The following PDE4D variants were observed in gnomAD, a reference collection of about 807,000 sequenced individuals.
PDE4D encodes phosphodiesterase 4D, also known as 3',5'-cyclic-AMP phosphodiesterase 4D.
In PDE4D, 24 loss-of-function variants were observed where a neutral mutation model predicts 87.4. That is an observed-to-expected ratio of 0.27 (90% CI 0.20 to 0.39). PDE4D has a LOEUF of 0.39. PDE4D is among the 10% of genes least tolerant of loss of function. The probability of loss-of-function intolerance (pLI) is 1.00; values close to 1 mark genes in which losing one functional copy is unlikely to be tolerated. For missense variants in PDE4D, 714 were observed against 1,041.0 expected (o/e 0.69, Z 4.32); for synonymous variants, 384 against 383.2 (o/e 1.00, Z -0.02).
At chr5:59,447,657 T>C (rs904945361) in intron 1 of PDE4D, among the ~76,000 whole-genome samples, 6 of 152,262 alleles carry the variant, frequency 3.9e-5, no homozygotes, top group Admixed American at 3.9e-4. Context: ...ACAGAATGTA[T>C]GTAAAAAACT....
At chr5:59,949,239 G>A (rs1192945396) in intron 3 of PDE4D, among the ~76,000 whole-genome samples, 1 of 152,112 alleles carries the variant, frequency 6.6e-6, no homozygotes, top group Non-Finnish European at 1.5e-5. Flanking sequence ...AGACCATCCT[G>A]GCTATCACGG....
At chr5:59,505,845 A>AT (rs1022701403) in intron 1 of PDE4D, among the ~76,000 whole-genome samples, 17 of 151,206 alleles carry the variant, frequency 1.1e-4, no homozygotes, top group East Asian at 9.7e-4. Context: ...AAAGAAGCAC[A>AT]TTTTTTTTTC....
At chr5:59,172,224 T>TAC (rs1783079501) in intron 5 of PDE4D, among the ~76,000 whole-genome samples, 2 of 117,004 alleles carry the variant, frequency 1.7e-5, no homozygotes, top group South Asian at 2.3e-4. Flanking sequence ...ATATAATAAA[T>TAC]ATATAATAAA....
intron 1 of PDE4D, among the ~76,000 whole-genome samples, chr5:60,256,393 CA>C (rs1749054723): frequency 6.6e-6 from 1 of 151,636 alleles, no homozygotes; most frequent in African/African-American, 2.4e-5. Flanking sequence ...AAGGGACAAA[CA>C]AAAAATATAA....
intron 3 of PDE4D, among the ~76,000 whole-genome samples, chr5:59,977,828 T>C (rs1761496261): frequency 6.6e-6 from 1 of 152,344 alleles, no homozygotes; most frequent in East Asian, 1.9e-4. Context: ...ATGCAGATGG[T>C]AACTTTAAGT....
At chr5:59,825,876 G>T (rs1392422725) in intron 1 of PDE4D, among the ~76,000 whole-genome samples, 1 of 152,138 alleles carries the variant, frequency 6.6e-6, no homozygotes, top group Non-Finnish European at 1.5e-5. Flanking sequence ...TTACTCAATT[G>T]TTCTGCAATT....
intron 1 of PDE4D, among the ~76,000 whole-genome samples, chr5:59,808,660 CAA>C (rs1768004945): frequency 6.6e-6 from 1 of 152,094 alleles, no homozygotes; most frequent in Non-Finnish European, 1.5e-5. Flanking sequence ...GCTCACACAT[CAA>C]AAGTTTCAAA....
intron 1 of PDE4D, among the ~76,000 whole-genome samples, chr5:59,563,796 A>C (rs1021197317): frequency 1.1e-4 from 16 of 152,338 alleles, no homozygotes; most frequent in Admixed American, 1.0e-3. Context: ...AGAGCAGAAA[A>C]GTTCTGGTCT....
chr5:59,847,295 T>C (rs1420690448), intron 1 of PDE4D, among the ~76,000 whole-genome samples: 1 of 152,070 alleles, frequency 6.6e-6, no homozygotes, highest in Non-Finnish European at 1.5e-5. Context: ...TAATCACCCA[T>C]GAACCTGCGG....
chr5:59,363,044 A>T (rs1189657172), intron 1 of PDE4D, among the ~76,000 whole-genome samples: 1 of 152,192 alleles, frequency 6.6e-6, no homozygotes. Flanking sequence ...TTTGTGAACC[A>T]AACATCACCA....
chr5:59,812,351 T>G (rs896511155), intron 1 of PDE4D, among the ~76,000 whole-genome samples: 1 of 152,182 alleles, frequency 6.6e-6, no homozygotes, highest in African/African-American at 2.4e-5. Context: ...CAGGCTCAAT[T>G]TCAAGACCTT....
chr5:59,146,386 A>T (rs1778658405), intron 5 of PDE4D, among the ~76,000 whole-genome samples: 1 of 152,156 alleles, frequency 6.6e-6, no homozygotes, highest in Non-Finnish European at 1.5e-5. Context: ...TTTCTAGGGC[A>T]CGTTTTGAAT....
intron 1 of PDE4D, among the ~76,000 whole-genome samples, chr5:60,450,583 G>A (rs953303632): frequency 1.3e-5 from 2 of 151,976 alleles, no homozygotes; most frequent in African/African-American, 2.4e-5. Context: ...CAAAAAACTT[G>A]TATCTGCAAT....
At chr5:60,132,844 G>A (rs1253665427) in intron 2 of PDE4D, among the ~76,000 whole-genome samples, 4 of 151,930 alleles carry the variant, frequency 2.6e-5, no homozygotes, top group Non-Finnish European at 5.9e-5. Flanking sequence ...GCAATAGAGC[G>A]AGACTATACC....
chr5:60,262,730 A>G (rs1318091372), intron 1 of PDE4D, among the ~76,000 whole-genome samples: 1 of 152,164 alleles, frequency 6.6e-6, no homozygotes, highest in African/African-American at 2.4e-5. Flanking sequence ...GATGATGTAC[A>G]TTTATTTTTC....
At chr5:60,380,752 A>G (rs1295996511) in intron 1 of PDE4D, among the ~76,000 whole-genome samples, 2 of 152,242 alleles carry the variant, frequency 1.3e-5, no homozygotes, top group Non-Finnish European at 2.9e-5. Flanking sequence ...AAGAAGTGAT[A>G]TTGGATAGAA....
intron 1 of PDE4D, among the ~76,000 whole-genome samples, chr5:59,375,032 G>A (rs746489020): frequency 1.3e-5 from 2 of 152,110 alleles, no homozygotes; most frequent in Non-Finnish European, 2.9e-5. Flanking sequence ...AATAGCTAAG[G>A]CAGTGTTAGG....
chr5:59,756,168 T>A (rs1761184451), intron 1 of PDE4D, among the ~76,000 whole-genome samples: 1 of 151,842 alleles, frequency 6.6e-6, no homozygotes, highest in Non-Finnish European at 1.5e-5. Context: ...ACACTGAAAA[T>A]GAAACTATGA....
At chr5:60,042,791 G>A (rs964928683) in intron 2 of PDE4D, among the ~76,000 whole-genome samples, 1 of 152,210 alleles carries the variant, frequency 6.6e-6, no homozygotes, top group South Asian at 2.1e-4. Context: ...CCCCATCCAA[G>A]GGTCACCAAC....
Sources: gnomAD v4.1 joint callset for allele counts (sites outside exome capture counted in the v4.1 genomes callset) on GRCh38, gnomAD v4.1.1 for gene constraint, MANE v1.5 for transcripts, NCBI Gene and HGNC (gene_info 2026-07-23, HGNC 2026-07-21) for gene names.